ASPH: variants seen among roughly 807,000 people sequenced by gnomAD.
The protein encoded by ASPH is aspartyl/asparaginyl beta-hydroxylase.
ASPH carries 100 observed loss-of-function variants against 118.4 expected under a neutral mutation model. The observed-to-expected ratio is 0.84, with a 90% CI of 0.72 to 1.00. The LOEUF is 1.00. Among genes scored for constraint, ASPH ranks in the 50% least tolerant of loss-of-function variants. ASPH has a pLI of 0.00. For synonymous variants in ASPH, 315 were observed against 325.6 expected (o/e 0.97, Z 0.35); for missense variants, 920 against 919.5 (o/e 1.00, Z -0.01).
At chr8:61,585,413 A>G (rs1230922198) in intron 14 of ASPH, among the ~76,000 whole-genome samples, 1 of 152,156 alleles carries the variant, frequency 6.6e-6, no homozygotes, top group Admixed American at 6.5e-5. Context: ...AACAATCAGA[A>G]GAGAACTTCC....
At chr8:61,568,057 G>T (rs1053544018) in intron 16 of ASPH, among the ~76,000 whole-genome samples, 1 of 152,302 alleles carries the variant, frequency 6.6e-6, no homozygotes, top group African/African-American at 2.4e-5. Context: ...GGGGAGGAAA[G>T]GGAAGACCAA....
intron 13 of ASPH, among the ~76,000 whole-genome samples, chr8:61,630,016 C>T (rs1425258055): frequency 1.3e-5 from 2 of 152,108 alleles, no homozygotes; most frequent in Non-Finnish European, 2.9e-5. Context: ...AAAGGTCAAT[C>T]CACAGAACGT....
At chr8:61,584,429 A>C (rs1838633943) in intron 14 of ASPH, among the ~76,000 whole-genome samples, 1 of 152,198 alleles carries the variant, frequency 6.6e-6, no homozygotes, top group Non-Finnish European at 1.5e-5. Flanking sequence ...GATACAGATA[A>C]AGATGAAAAT....
chr8:61,647,020 C>T, intron 5 of ASPH, 142 bp from the exon 6 acceptor site: 2 of 1,092,618 alleles, frequency 1.8e-6, no homozygotes, highest in Non-Finnish European at 2.6e-6. Context: ...TTGTCCACTC[C>T]ACAGCTATTT....
In ASPH at chr8:61,503,240, T is replaced by G; in HGVS notation, c.*119A>C. The G allele has an allele frequency of 8.1e-7, 1 of 1,234,944 alleles. No individual in the cohort carries two copies. Among genetic ancestry groups the G allele is most frequent in the Non-Finnish European group, 1.1e-6 (1 of 924,854 alleles). 76.5% of individuals were successfully genotyped at this position (1,234,944 alleles called of 1,614,324 possible). On this transcript the variant is annotated 3_prime_UTR_variant, in exon 25 of 25. Coordinates refer to ENST00000379454, the MANE Select transcript of ASPH (RefSeq NM_004318.4). The stretch of plus-strand genomic sequence containing the variant: ...ACCCTAGGAGGAGGCTTTGAATTAC[T>G]CGGGCTGCAAGTCAAGGGAATTGAC...
At chr8:61,680,939 C>A in intron 3 of ASPH, 29 bp downstream of exon 3, 1 of 1,553,974 alleles carries the variant, frequency 6.4e-7, no homozygotes, top group South Asian at 1.2e-5. Context: ...TTTATCACCA[C>A]TAACAAAAAA....
chr8:61,667,602 T>C (rs945686557), intron 3 of ASPH, among the ~76,000 whole-genome samples: 1 of 152,170 alleles, frequency 6.6e-6, no homozygotes, highest in Non-Finnish European at 1.5e-5. Flanking sequence ...CCTGACCTCG[T>C]GATCCACCCG....
intron 14 of ASPH, among the ~76,000 whole-genome samples, chr8:61,611,521 G>A (rs144441224): frequency 6.2e-4 from 95 of 152,304 alleles, no homozygotes; most frequent in African/African-American, 8.9e-4. Flanking sequence ...ATCTACCTCC[G>A]GAAAGAGCAG....
chr8:61,585,195 TC>T (rs1396556063), intron 14 of ASPH, among the ~76,000 whole-genome samples: 3 of 152,088 alleles, frequency 2.0e-5, no homozygotes, highest in Non-Finnish European at 4.4e-5. Flanking sequence ...ACAGGAGCCC[TC>T]CTCCCGAAGG....
intron 3 of ASPH, chr8:61,658,236 A>G (rs1276840770): frequency 6.6e-6 from 1 of 152,226 alleles, no homozygotes; most frequent in Non-Finnish European, 1.5e-5. Context: ...TGAGACTACC[A>G]GGTACTCAAA....
At chr8:61,705,949 T>G (rs1371709710) in intron 1 of ASPH, among the ~76,000 whole-genome samples, 1 of 152,224 alleles carries the variant, frequency 6.6e-6, no homozygotes, top group Non-Finnish European at 1.5e-5. Flanking sequence ...AGCATCTACA[T>G]GGTGGAGTCA....
At chr8:61,677,350 A>G (rs1171752968) in intron 3 of ASPH, among the ~76,000 whole-genome samples, 1 of 152,062 alleles carries the variant, frequency 6.6e-6, no homozygotes, top group African/African-American at 2.4e-5. Context: ...CTTAATTTTG[A>G]GGAGGAATAA....
intron 14 of ASPH, among the ~76,000 whole-genome samples, chr8:61,587,738 A>C (rs1430134560): frequency 6.6e-6 from 1 of 152,180 alleles, no homozygotes; most frequent in Non-Finnish European, 1.5e-5. Context: ...ATAGCTTCTA[A>C]CTATTGTACC....
At position 61,619,003 on chromosome 8, in the gene ASPH, T is replaced by A; in HGVS notation, c.951A>T (p.Thr317=). The A allele has an allele frequency of 6.2e-7, 1 of 1,605,738 alleles. No individual in the cohort carries two copies. The highest frequency in any genetic ancestry group is 8.5e-7 in the Non-Finnish European group (1 of 1,173,490). ...QEVPPETNRK[T]DDPEQKAKVK... ...CTTTTGCTTTTTGTTCTGGATCATC[T>A]GTTTTTCTATTTGTTTCTGAAAATT... The change falls in exon 14 of 25, where the codon ACA becomes ACT. Residue 317 remains threonine (T), a synonymous_variant. Transcript: ENST00000379454.
At chr8:61,690,909 G>A (rs1832446750) in intron 1 of ASPH, among the ~76,000 whole-genome samples, 2 of 152,144 alleles carry the variant, frequency 1.3e-5, no homozygotes, top group South Asian at 2.1e-4. Context: ...AAATCCGTCT[G>A]AGAGTGTGTG....
chr8:61,646,442 A>C (rs1001845301), intron 6 of ASPH, among the ~76,000 whole-genome samples: 2 of 152,198 alleles, frequency 1.3e-5, no homozygotes, highest in African/African-American at 2.4e-5. Context: ...ATATTTCATC[A>C]GTTGTTTGAA....
intron 14 of ASPH, among the ~76,000 whole-genome samples, chr8:61,587,865 C>T (rs940397714): frequency 6.6e-6 from 1 of 152,096 alleles, no homozygotes; most frequent in Non-Finnish European, 1.5e-5. Flanking sequence ...TCTGGGGAGG[C>T]ACATGTTCTA....
chr8:61,510,434 G>C (rs1163376188), intron 24 of ASPH, among the ~76,000 whole-genome samples: 1 of 152,170 alleles, frequency 6.6e-6, no homozygotes, highest in African/African-American at 2.4e-5. Context: ...ACTGGTTCTA[G>C]AGCCCTATTA....
chr8:61,700,841 A>T (rs567655215), intron 1 of ASPH, among the ~76,000 whole-genome samples: 1 of 152,352 alleles, frequency 6.6e-6, no homozygotes, highest in African/African-American at 2.4e-5. Flanking sequence ...TGCAAAGTAA[A>T]CTGTAGACAT....
Sources: allele counts gnomAD v4.1 joint callset (sites outside exome capture counted in the v4.1 genomes callset), GRCh38; gene constraint gnomAD v4.1.1; transcripts MANE v1.5; gene names NCBI Gene and HGNC (gene_info 2026-07-23, HGNC 2026-07-21).